The following PGPEP1 variants were observed in gnomAD, a reference collection of about 807,000 sequenced individuals.
PGPEP1 encodes pyroglutamyl-peptidase 1.
In PGPEP1, 15 loss-of-function variants were observed where a neutral mutation model predicts 24.1. The observed-to-expected ratio is 0.62, with a 90% CI of 0.42 to 0.96. The LOEUF (loss-of-function observed/expected upper bound fraction) is 0.96, where lower values mean the gene tolerates loss of function less well. Ranked by LOEUF, PGPEP1 falls within the 40% of genes least tolerant of loss-of-function variation. PGPEP1 has a pLI of 0.00. For synonymous variants in PGPEP1, 122 were observed against 116.4 expected, an observed-to-expected ratio of 1.05 and a Z score of -0.31; for missense variants, 242 against 273.4, an observed-to-expected ratio of 0.89 and a Z score of 0.81.
intron 2 of PGPEP1, among the ~76,000 whole-genome samples, chr19:18,352,032 G>A (rs891520309): frequency 3.9e-5 from 6 of 151,900 alleles, no homozygotes; most frequent in Non-Finnish European, 8.8e-5. Flanking sequence ...AGCACTTTGG[G>A]AGGCCGAGAT....
In PGPEP1 at chr19:18,363,372, G is replaced by T; in HGVS notation, c.438-19G>T. 2 of 1,593,962 alleles carry T rather than the reference G, an allele frequency of 1.3e-6. No homozygotes were observed. Among genetic ancestry groups the T allele is most frequent in the Non-Finnish European group, 1.7e-6 (2 of 1,163,766 alleles). ...CCCCGTTTTGGTCTCTCTCTTACCC[G>T]CCACGCCCTGCGGCTTAGATATCTC... On this transcript the variant is annotated intron_variant, in intron 4 of 4. Transcript: ENST00000269919.
At chr19:18,356,161 G>A in intron 3 of PGPEP1, 150 bp downstream of exon 3, 10 of 615,476 alleles carry the variant, frequency 1.6e-5, no homozygotes, top group Non-Finnish European at 2.7e-5. Context: ...GGCCGGGCAT[G>A]GTGGCTCATG....
Position 18,340,622 on chromosome 19 carries a change from G to GGCA in PGPEP1, c.-54_-52dup. On this transcript the variant is annotated 5_prime_UTR_variant, in exon 1 of 5. Coordinates refer to ENST00000269919, the MANE Select transcript of PGPEP1 (RefSeq NM_017712.4). Reference sequence around the variant, plus strand: ...CCTCGCGCGGCCGAGAGGCTGCAGCGGCAGCAGCTGTCGCGCCAGTCGCAA... The same window carrying GGCA: ...CCTCGCGCGGCCGAGAGGCTGCAGCGGCAGCAGCAGCTGTCGCGCCAGTCGCAA... 1 of 1,462,964 alleles carries GGCA rather than the reference G, an allele frequency of 6.8e-7. No homozygotes were observed. The highest frequency in any genetic ancestry group is 1.5e-5 in the African/African-American group (1 of 68,344). 90.6% of individuals were successfully genotyped at this position (1,462,964 alleles called of 1,614,324 possible).
intron 4 of PGPEP1, 134 bp downstream of exon 4, chr19:18,357,749 G>C (rs1191270108): frequency 1.5e-6 from 1 of 655,470 alleles, no homozygotes; most frequent in Non-Finnish European, 2.7e-6. Flanking sequence ...ACAGAGCCAA[G>C]TATTTGTACG....
At position 18,368,438 on chromosome 19, in the gene PGPEP1, CAAA is replaced by C. The variant is rs59054174; in HGVS notation, c.*4871_*4873del. ...TGGGCAACATAGCAAGACTCTGTCA[CAAA>C]AAAAAAAAAAAAAAAGAATTCCCTG... On this transcript the variant is annotated 3_prime_UTR_variant, in exon 5 of 5. Transcript: ENST00000269919. The C allele has an allele frequency of 0.52, 60,989 of 116,736 alleles. 13,285 individuals carry two copies. Among genetic ancestry groups the C allele is most frequent in the Middle Eastern group, 0.61 (148 of 242 alleles). The allele number at this position is 116,736 out of a possible 1,614,324, so 7.2% of individuals were successfully genotyped here. A position where few individuals can be genotyped will look rare whatever the true frequency, so the allele number is the denominator to read the frequency against.
chr19:18,352,896 G>C (rs944525023), intron 2 of PGPEP1, among the ~76,000 whole-genome samples: 1 of 150,332 alleles, frequency 6.7e-6, no homozygotes, highest in Non-Finnish European at 1.5e-5. Context: ...ATACTGCTGA[G>C]TTACTTGGAA....
At chr19:18,346,130 C>A (rs1970838512) in intron 2 of PGPEP1, among the ~76,000 whole-genome samples, 1 of 152,124 alleles carries the variant, frequency 6.6e-6, no homozygotes, top group South Asian at 2.1e-4. Context: ...CCGATGTAAA[C>A]CTCTGCAGAC....
chr19:18,363,357 G>A (rs1971404443), intron 4 of PGPEP1, 34 bp from the exon 5 acceptor site: 1 of 1,573,572 alleles, frequency 6.4e-7, no homozygotes, highest in Non-Finnish European at 8.7e-7. Context: ...CCCCGTTTTG[G>A]TCTCTCTCTT....
intron 1 of PGPEP1, among the ~76,000 whole-genome samples, 175 bp downstream of exon 1, chr19:18,340,890 C>G (rs985079413): frequency 2.0e-5 from 3 of 152,136 alleles, no homozygotes; most frequent in African/African-American, 7.2e-5. Context: ...GGAGGAGGAG[C>G]CTTGGGGGTC....
At chr19:18,354,338 A>G (rs1971119535) in intron 2 of PGPEP1, among the ~76,000 whole-genome samples, 1 of 152,004 alleles carries the variant, frequency 6.6e-6, no homozygotes, top group East Asian at 1.9e-4. Context: ...CACTAAAGAT[A>G]GAAAAAATTA....
chr19:18,359,560 T>A (rs1163024876), intron 4 of PGPEP1, among the ~76,000 whole-genome samples: 1 of 148,108 alleles, frequency 6.8e-6, no homozygotes, highest in African/African-American at 2.5e-5. Flanking sequence ...CAGGCTGGAG[T>A]GCATTGGCGC....
Position 18,363,609 on chromosome 19 carries a change from C to T in PGPEP1, c.*26C>T. ...GGGACGCTCAGGTCTCCTAAGACCT[C>T]ATCCTGCTGGGGACCCCACGAGGGG... On this transcript the variant is annotated 3_prime_UTR_variant, in exon 5 of 5. Transcript: ENST00000269919. The T allele has an allele frequency of 6.3e-7, 1 of 1,578,122 alleles. No homozygotes were observed. Among genetic ancestry groups the T allele is most frequent in the East Asian group, 2.3e-5 (1 of 44,204 alleles).
rs910164951 is a variant in PGPEP1, at chr19:18,366,555, C to T, written c.*2972C>T. ...GCGTGATCTCGGCTCACTGCAACCT[C>T]CACCTCCTGGGTTTACACAATTCTC... is the stretch of plus-strand genomic sequence containing the variant. On this transcript the variant is annotated 3_prime_UTR_variant, in exon 5 of 5. Coordinates refer to ENST00000269919, the MANE Select transcript of PGPEP1 (RefSeq NM_017712.4). 2.6e-5 allele frequency: 4 copies of T among 152,148 alleles called. No individual in the cohort carries two copies. The highest frequency in any genetic ancestry group is 9.7e-5 in the African/African-American group (4 of 41,432). The allele number at this position is 152,148 out of a possible 1,614,324, so 9.4% of individuals were successfully genotyped here.
intron 3 of PGPEP1, among the ~76,000 whole-genome samples, chr19:18,356,277 A>G (rs937459753): frequency 2.0e-5 from 3 of 151,186 alleles, no homozygotes; most frequent in Non-Finnish European, 4.4e-5. Context: ...TACTAAAAAT[A>G]CAAAAAATTA....
chr19:18,356,604 C>T (rs1378145917), intron 3 of PGPEP1, among the ~76,000 whole-genome samples: 3 of 151,100 alleles, frequency 2.0e-5, no homozygotes, highest in Non-Finnish European at 4.4e-5. Context: ...AAAAATTAGG[C>T]ATGATGGTAC....
chr19:18,343,679 CTT>C (rs3078437), intron 2 of PGPEP1, among the ~76,000 whole-genome samples: 256 of 115,016 alleles, frequency 2.2e-3, no homozygotes, highest in Middle Eastern at 5.6e-3. Context: ...GGATCTCCCT[CTT>C]TTTTTTTTTT....
In PGPEP1 at chr19:18,363,812, G is replaced by A. The variant is rs553105978; in HGVS notation, c.*229G>A. 9.3e-6 allele frequency: 4 copies of A among 431,098 alleles called. No individual in the cohort carries two copies. The South Asian group carries it at 1.1e-4, about 12-fold the overall frequency. 26.7% of individuals were successfully genotyped at this position (431,098 alleles called of 1,614,324 possible). On this transcript the variant is annotated 3_prime_UTR_variant, in exon 5 of 5. Coordinates refer to ENST00000269919, the MANE Select transcript of PGPEP1 (RefSeq NM_017712.4). ...TCCCATTTTCCTCCCTGCATCTGGG[G>A]ACACAGCTGCCGTGACCAGGGAGGC...
At chr19:18,345,792 C>T (rs1005447738) in intron 2 of PGPEP1, among the ~76,000 whole-genome samples, 3 of 151,234 alleles carry the variant, frequency 2.0e-5, no homozygotes, top group Non-Finnish European at 2.9e-5. Context: ...GTAATCCTAG[C>T]GCTTTGGAAG....
At chr19:18,356,258 C>T (rs758468194) in intron 3 of PGPEP1, among the ~76,000 whole-genome samples, 4 of 147,992 alleles carry the variant, frequency 2.7e-5, no homozygotes, top group Non-Finnish European at 6.0e-5. Context: ...CATGGCAAAA[C>T]CCTGTCTCTA....
Sources: gnomAD v4.1 joint callset for allele counts (sites outside exome capture counted in the v4.1 genomes callset) on GRCh38, gnomAD v4.1.1 for gene constraint, MANE v1.5 for transcripts, NCBI Gene and HGNC (gene_info 2026-07-23, HGNC 2026-07-21) for gene names.